The following OCM2 variants were observed in gnomAD, a reference collection of about 807,000 sequenced individuals.
The protein encoded by OCM2 is oncomodulin 2, also known as oncomodulin-2.
A neutral mutation model predicts 13.6 loss-of-function variants in OCM2; 6 were observed. The observed-to-expected ratio is 0.44, with a 90% confidence interval of 0.24 to 0.87. The LOEUF is 0.87. OCM2 is among the 40% of genes least tolerant of loss of function. The pLI is 0.22. For missense variants in OCM2, 118 were observed against 136.8 expected (o/e 0.86, Z 0.68); for synonymous variants, 40 against 50.7 (o/e 0.79, Z 0.90).
chr7:97,986,062 A>ACCTG (rs1794668470), intron 3 of OCM2, among the ~76,000 whole-genome samples: 1 of 151,970 alleles, frequency 6.6e-6, no homozygotes, highest in Non-Finnish European at 1.5e-5. Context: ...ACAGGTGCCC[A>ACCTG]CCACCATGCC....
chr7:97,988,757 C>T (rs948509326), intron 1 of OCM2, among the ~76,000 whole-genome samples: 2 of 151,950 alleles, frequency 1.3e-5, no homozygotes, highest in African/African-American at 4.8e-5. Flanking sequence ...TTCCCTCCTC[C>T]ACTTGGTTTT....
chr7:97,985,431 A>AAAAAG (rs757682710), intron 3 of OCM2, among the ~76,000 whole-genome samples: 20,417 of 130,468 alleles, frequency 0.16, 2,165 homozygotes, highest in Non-Finnish European at 0.21. Context: ...AAAAAAAAAA[A>AAAAAG]AAAGAAAGAA....
chr7:97,990,016 TCCCACCC>T, intron 1 of OCM2, 21 bp downstream of exon 1: 1 of 1,083,840 alleles, frequency 9.2e-7, no homozygotes, highest in Non-Finnish European at 1.4e-6. Context: ...TGTGAGGAAA[TCCCACCC>T]CCGCCCCACG....
exon 4 of OCM2, chr7:97,984,944 A>G (rs759907564): frequency 6.2e-7 from 1 of 1,612,296 alleles, no homozygotes; most frequent in Non-Finnish European, 8.5e-7. Flanking sequence ...TCTTTTCTCC[A>G]GAGACTGGGG....
exon 4 of OCM2, chr7:97,984,741 G>C: frequency 1.8e-6 from 1 of 556,436 alleles, no homozygotes. Context: ...TTGGGGGAAG[G>C]GGGGCTTACA....
intron 3 of OCM2, among the ~76,000 whole-genome samples, chr7:97,985,730 G>C (rs1794664822): frequency 6.6e-6 from 1 of 152,094 alleles, no homozygotes; most frequent in Non-Finnish European, 1.5e-5. Context: ...ATATTTGATA[G>C]GGTGGGACTT....
chr7:97,988,231 A>G (rs76423793), intron 2 of OCM2, among the ~76,000 whole-genome samples, 185 bp downstream of exon 2: 5,524 of 151,572 alleles, frequency 0.036, 311 homozygotes, highest in African/African-American at 0.13. Context: ...TTCACTGCCC[A>G]TGTTGAGGGC....
intron 3 of OCM2, among the ~76,000 whole-genome samples, chr7:97,986,371 G>A (rs1367579213): frequency 6.6e-6 from 1 of 151,186 alleles, no homozygotes; most frequent in Non-Finnish European, 1.5e-5. Context: ...TTTCAAATTA[G>A]CACCACCAGA....
chr7:97,986,882 C>T (rs1175107620), intron 3 of OCM2, among the ~76,000 whole-genome samples, 165 bp downstream of exon 3: 1 of 152,062 alleles, frequency 6.6e-6, no homozygotes, highest in East Asian at 1.9e-4. Context: ...TTACACACAT[C>T]ATTTGCATCC....
intron 2 of OCM2, among the ~76,000 whole-genome samples, chr7:97,987,889 C>T (rs941285931): frequency 6.6e-6 from 1 of 152,046 alleles, no homozygotes; most frequent in African/African-American, 2.4e-5. Context: ...AAGGAAATCC[C>T]TTACATGAAA....
chr7:97,986,343 T>A (rs2116135188), intron 3 of OCM2, among the ~76,000 whole-genome samples: 1 of 152,074 alleles, frequency 6.6e-6, no homozygotes, highest in African/African-American at 2.4e-5. Context: ...AATAAGCATC[T>A]AACGTAGCAG....
intron 2 of OCM2, among the ~76,000 whole-genome samples, chr7:97,987,986 G>A (rs1168710242): frequency 6.6e-6 from 1 of 152,154 alleles, no homozygotes; most frequent in Non-Finnish European, 1.5e-5. Flanking sequence ...GAAGTCAGGA[G>A]TTTGAGACCA....
intron 2 of OCM2, 147 bp from the exon 3 acceptor site, chr7:97,987,303 T>C: frequency 1.2e-6 from 1 of 865,656 alleles, no homozygotes. Flanking sequence ...TTCCTTAAGC[T>C]GTAGAAACCA....
intron 2 of OCM2, 63 bp from the exon 3 acceptor site, chr7:97,987,219 T>C: frequency 6.3e-7 from 1 of 1,597,532 alleles, no homozygotes; most frequent in Non-Finnish European, 8.6e-7. Flanking sequence ...TGTTTAGACT[T>C]TTGTTTTTCC....
At chr7:97,985,944 C>G (rs949194414) in intron 3 of OCM2, among the ~76,000 whole-genome samples, 5 of 151,768 alleles carry the variant, frequency 3.3e-5, no homozygotes, top group African/African-American at 1.2e-4. Flanking sequence ...TAGAGTTTCA[C>G]TCTTGTTGCC....
At chr7:97,989,413 A>ATTTATTTG (rs1794708727) in intron 1 of OCM2, among the ~76,000 whole-genome samples, 1 of 149,638 alleles carries the variant, frequency 6.7e-6, no homozygotes, top group Admixed American at 6.7e-5. Flanking sequence ...TTATTTATTT[A>ATTTATTTG]TTTAGAGACA....
At chr7:97,985,628 T>C (rs950263404) in intron 3 of OCM2, among the ~76,000 whole-genome samples, 9 of 152,146 alleles carry the variant, frequency 5.9e-5, no homozygotes, top group African/African-American at 2.2e-4. Flanking sequence ...TAATTACCTG[T>C]GACCATCTGT....
intron 3 of OCM2, among the ~76,000 whole-genome samples, chr7:97,986,677 C>T (rs1383448063): frequency 3.3e-5 from 5 of 152,064 alleles, no homozygotes; most frequent in Admixed American, 2.0e-4. Flanking sequence ...TAAATCTTTC[C>T]CTTATTCTGA....
intron 3 of OCM2, among the ~76,000 whole-genome samples, chr7:97,986,322 G>GA (rs1794670707): frequency 6.7e-6 from 1 of 150,212 alleles, no homozygotes; most frequent in Admixed American, 6.6e-5. Context: ...TTTTGAACAG[G>GA]TTTTTTTTTT....
Sources: allele counts gnomAD v4.1 joint callset (sites outside exome capture counted in the v4.1 genomes callset), GRCh38; gene constraint gnomAD v4.1.1; transcripts MANE v1.5; gene names NCBI Gene and HGNC (gene_info 2026-07-23, HGNC 2026-07-21).